RHBDD2: variants seen among roughly 807,000 people sequenced by gnomAD.
RHBDD2 encodes rhomboid domain containing 2, also known as rhomboid domain-containing protein 2.
In RHBDD2, 13 loss-of-function variants were observed where a neutral mutation model predicts 21.7. The ratio of observed to expected loss-of-function variants is 0.60; its 90% CI spans 0.39 to 0.95. RHBDD2 has a LOEUF of 0.95. Among genes scored for constraint, RHBDD2 ranks in the 40% least tolerant of loss-of-function variants. RHBDD2 has a pLI of 0.00. For synonymous variants in RHBDD2, 225 were observed against 220.0 expected (o/e 1.02, Z -0.20); for missense variants, 473 against 478.9 (o/e 0.99, Z 0.11).
At chr7:75,882,535 G>T (rs1050080450) in intron 2 of RHBDD2, among the ~76,000 whole-genome samples, 2 of 152,198 alleles carry the variant, frequency 1.3e-5, no homozygotes, top group South Asian at 4.1e-4. Flanking sequence ...ATGTTGCCCA[G>T]GCTGGTCTTG....
At position 75,879,071 on chromosome 7, in the gene RHBDD2, A is replaced by G; in HGVS notation, c.-12A>G. The G allele has an allele frequency of 7.3e-7, 1 of 1,364,950 alleles. No homozygotes were observed. The highest frequency in any genetic ancestry group is 9.5e-7 in the Non-Finnish European group (1 of 1,054,548). The allele number at this position is 1,364,950 out of a possible 1,614,324, so 84.6% of individuals were successfully genotyped here. A position where few individuals can be genotyped will look rare whatever the true frequency, so the allele number is the denominator to read the frequency against. On this transcript the variant is annotated 5_prime_UTR_variant, in exon 1 of 4. Transcript: ENST00000006777. ...GCCGGCGTCGAGGCGGGGCGCGGGAACGACGGCGGCCATGGCGGCCTCGGG... is the reference window on the plus strand; with the variant it reads ...GCCGGCGTCGAGGCGGGGCGCGGGAGCGACGGCGGCCATGGCGGCCTCGGG...
chr7:75,882,755 T>C (rs1031041144), intron 2 of RHBDD2, among the ~76,000 whole-genome samples: 1 of 152,228 alleles, frequency 6.6e-6, no homozygotes, highest in Non-Finnish European at 1.5e-5. Flanking sequence ...TGACTTTTGT[T>C]CTGATAGGCG....
rs1462226590 is a variant in RHBDD2 at position 75,888,524 on chromosome 7, A to T, written c.*175A>T. On this transcript the variant is annotated 3_prime_UTR_variant, in exon 4 of 4. Transcript: ENST00000006777. ...ACGGCAGCCCTGTGGAGTACGGTGT[A>T]CTGGCCCAGCTTACAGATGCAGAAA... 3 of 584,152 alleles carry T rather than the reference A, an allele frequency of 5.1e-6. No homozygotes were observed. The Admixed American group carries it at 9.3e-5, about 18-fold the overall frequency. 36.2% of individuals were successfully genotyped at this position (584,152 alleles called of 1,614,324 possible).
At chr7:75,879,583 G>A (rs537660034) in intron 1 of RHBDD2, among the ~76,000 whole-genome samples, 9 of 152,242 alleles carry the variant, frequency 5.9e-5, no homozygotes, top group African/African-American at 2.2e-4. Context: ...CGCTCTCCAA[G>A]GGTAAAGATT....
intron 3 of RHBDD2, among the ~76,000 whole-genome samples, chr7:75,886,430 G>A (rs1231246263): frequency 6.6e-6 from 1 of 152,128 alleles, no homozygotes; most frequent in African/African-American, 2.4e-5. Flanking sequence ...TGTCACCAAG[G>A]AATCCCCTCT....
chr7:75,879,137 T>TCCGC lies in RHBDD2; in HGVS notation c.57_60dup (p.Thr21ArgfsTer167). On this transcript the variant is annotated frameshift_variant, in exon 1 of 4. Coordinates refer to ENST00000006777, the MANE Select transcript of RHBDD2 (RefSeq NM_001040456.3). LOFTEE classifies it high-confidence loss of function. ...CTGGTGCTTGTGTCCCGAGGTGCCA[T>TCCGC]CCGCCACCTTCTTCACTGCGCTGCT... The TCCGC allele has an allele frequency of 1.4e-6, 2 of 1,445,800 alleles. No individual in the cohort carries two copies. Among genetic ancestry groups the TCCGC allele is most frequent in the Non-Finnish European group, 1.8e-6 (2 of 1,090,860 alleles). 89.6% of individuals were successfully genotyped at this position (1,445,800 alleles called of 1,614,324 possible).
intron 1 of RHBDD2, chr7:75,881,549 T>A: frequency 7.3e-7 from 1 of 1,363,096 alleles, no homozygotes. Context: ...GAGACTGCCC[T>A]CTACCGAAAA....
chr7:75,883,523 A>G, intron 2 of RHBDD2, 175 bp from the exon 3 acceptor site: 1 of 555,132 alleles, frequency 1.8e-6, no homozygotes, highest in East Asian at 3.1e-5. Context: ...CATCTCAAAA[A>G]AAAAAACAAA....
At chr7:75,880,891 A>G (rs1805286485) in intron 1 of RHBDD2, among the ~76,000 whole-genome samples, 2 of 151,932 alleles carry the variant, frequency 1.3e-5, no homozygotes. Flanking sequence ...ACACCTGACT[A>G]ATTTTTAAAT....
chr7:75,879,056 A>G lies in RHBDD2; in HGVS notation c.-27A>G, dbSNP rs763915408. ...AGCAGAGGACCGGCAGCCGGCGTCG[A>G]GGCGGGGCGCGGGAACGACGGCGGC... On this transcript the variant is annotated 5_prime_UTR_variant, in exon 1 of 4. Transcript: ENST00000006777. 3.8e-5 allele frequency: 52 copies of G among 1,367,462 alleles called. No individual in the cohort carries two copies. Among genetic ancestry groups the G allele is most frequent in the Non-Finnish European group, 4.4e-5 (47 of 1,056,998 alleles). The allele number at this position is 1,367,462 out of a possible 1,614,324, so 84.7% of individuals were successfully genotyped here.
intron 3 of RHBDD2, 143 bp downstream of exon 3, chr7:75,883,991 C>A: frequency 1.7e-6 from 1 of 578,964 alleles, no homozygotes; most frequent in Non-Finnish European, 2.9e-6. Context: ...GCTTCAGGTT[C>A]AAGTGATTCT....
At position 75,888,335 on chromosome 7, in the gene RHBDD2, G is replaced by A. The variant is rs781982144; in HGVS notation, c.1081G>A (p.Val361Ile). 2 of 1,609,950 alleles carry A rather than the reference G, an allele frequency of 1.2e-6. No individual in the cohort carries two copies. The highest frequency in any genetic ancestry group is 1.1e-5 in the South Asian group (1 of 91,024). ...GAAGSKESSR[V>I]PMP ...TGCAGGCTCCAAGGAGTCCTCCAGG[G>A]TCCCCATGCCCTGAGAGAATTTCTA... The change falls in exon 4 of 4, where the codon GTC becomes ATC. Residue 361 changes from valine (V) to isoleucine (I), a missense_variant. Val to Ile is a conservative substitution (Grantham distance 29). Transcript: ENST00000006777.
At position 75,882,034 on chromosome 7, in the gene RHBDD2, A is replaced by C; in HGVS notation, c.384A>C (p.Glu128Asp). ...EAVSSLSKLGEVEDARGFTPV... is the reference protein window; with the variant it reads ...EAVSSLSKLGDVEDARGFTPV... ...TGTCATCACTGTCAAAGCTGGGGGA[A>C]GTGGAGGATGCCAGAGGTTTCACCC... The change falls in exon 2 of 4, where the codon GAA becomes GAC. Residue 128 changes from glutamate (E) to aspartate (D), a missense_variant. By Grantham distance (45) the Glu-to-Asp change is conservative. Transcript: ENST00000006777. The C allele has an allele frequency of 6.2e-7, 1 of 1,614,168 alleles. No individual in the cohort carries two copies. Among genetic ancestry groups the C allele is most frequent in the South Asian group, 1.1e-5 (1 of 91,078 alleles).
At chr7:75,887,669 C>G (rs1437712979) in intron 3 of RHBDD2, among the ~76,000 whole-genome samples, 1 of 152,054 alleles carries the variant, frequency 6.6e-6, no homozygotes, top group African/African-American at 2.4e-5. Context: ...GCCACACAGG[C>G]ACTGGCAGCT....
intron 2 of RHBDD2, 102 bp from the exon 3 acceptor site, chr7:75,883,596 T>G: frequency 1.0e-6 from 1 of 993,966 alleles, no homozygotes; most frequent in Non-Finnish European, 1.5e-6. Flanking sequence ...GTGCTAAGCA[T>G]GAAGGCTTCT....
intron 3 of RHBDD2, among the ~76,000 whole-genome samples, chr7:75,885,918 G>C (rs1195930431): frequency 6.6e-5 from 10 of 152,152 alleles, no homozygotes; most frequent in African/African-American, 1.9e-4. Flanking sequence ...CCAGGCTGGA[G>C]TGCAGTGGCG....
intron 2 of RHBDD2, 57 bp from the exon 3 acceptor site, chr7:75,883,641 A>G (rs1369619583): frequency 3.3e-6 from 5 of 1,499,762 alleles, no homozygotes; most frequent in South Asian, 1.2e-5. Context: ...CTCCCCGGGG[A>G]GTGTTCGGCC....
chr7:75,880,788 C>T (rs1027018461), intron 1 of RHBDD2, among the ~76,000 whole-genome samples: 7 of 152,144 alleles, frequency 4.6e-5, no homozygotes, highest in African/African-American at 1.2e-4. Flanking sequence ...TGCAGAGATG[C>T]AATCATAGCT....
intron 3 of RHBDD2, 50 bp downstream of exon 3, chr7:75,883,898 T>TA (rs782487410): frequency 2.0e-6 from 3 of 1,477,846 alleles, no homozygotes; most frequent in Admixed American, 2.2e-5. Context: ...AAAAAAAAAA[T>TA]TATTTTTTTT....
Sources: allele counts gnomAD v4.1 joint callset (sites outside exome capture counted in the v4.1 genomes callset), GRCh38; gene constraint gnomAD v4.1.1; transcripts MANE v1.5; gene names NCBI Gene and HGNC (gene_info 2026-07-23, HGNC 2026-07-21).